Variants in TCHP observed in about 807,000 individuals in gnomAD.
The protein encoded by TCHP is trichoplein keratin filament binding, also known as trichoplein keratin filament-binding protein.
TCHP carries 81 observed loss-of-function variants against 88.7 expected under a neutral mutation model. The ratio of observed to expected loss-of-function variants is 0.91; its 90% CI spans 0.76 to 1.10. The LOEUF (loss-of-function observed/expected upper bound fraction) is 1.10, where lower values mean the gene tolerates loss of function less well. Ranked by LOEUF, TCHP falls within the 50% of genes least tolerant of loss-of-function variation. TCHP has a pLI of 0.00. For synonymous variants in TCHP, 232 were observed against 232.5 expected, an observed-to-expected ratio of 1.00 and a Z score of 0.02; for missense variants, 641 against 632.1, an observed-to-expected ratio of 1.01 and a Z score of -0.15.
chr12:109,887,409 C>CAAAAAA, the TCHP span, among the ~76,000 whole-genome samples: 15 of 80,120 alleles, frequency 1.9e-4, no homozygotes, highest in South Asian at 8.2e-4. Context: ...GGCTCTGTCT[C>CAAAAAA]AAAAAAAAAA....
chr12:109,908,903 TCAGCAGACGCACA>T lies in TCHP; in HGVS notation c.853_865del (p.Arg285SerfsTer40), dbSNP rs771462767. ...TTGAGACATCAGTATAACGCTCAAC[TCAGCAGACGCACA>T]CAGCAGATCCAAGAGGAGCTGGTAA... On this transcript the variant is annotated frameshift_variant, in exon 8 of 13. Coordinates refer to ENST00000405876, the MANE Select transcript of TCHP (RefSeq NM_001143852.2). LOFTEE classifies it high-confidence loss of function. 1.2e-6 allele frequency: 2 copies of T among 1,614,224 alleles called. No individual in the cohort carries two copies. Among genetic ancestry groups the T allele is most frequent in the South Asian group, 1.1e-5 (1 of 91,082 alleles).
chr12:109,890,939 A>G, the TCHP span, among the ~76,000 whole-genome samples: 1 of 152,234 alleles, frequency 6.6e-6, no homozygotes, highest in Admixed American at 6.5e-5. Context: ...TGTTAATGGC[A>G]ATGAATCATG....
the TCHP span, chr12:109,888,129 T>C: frequency 6.6e-6 from 1 of 152,304 alleles, no homozygotes; most frequent in African/African-American, 2.4e-5. Context: ...ATTACTGACA[T>C]TTACCTTGCT....
At chr12:109,882,480 T>C in the TCHP span, among the ~76,000 whole-genome samples, 1 of 148,380 alleles carries the variant, frequency 6.7e-6, no homozygotes, top group African/African-American at 2.5e-5. Flanking sequence ...AGCAAAAGCC[T>C]TAAGGTAACA....
the TCHP span, among the ~76,000 whole-genome samples, chr12:109,884,423 C>T: frequency 1.3e-5 from 2 of 152,110 alleles, no homozygotes; most frequent in Non-Finnish European, 2.9e-5. Flanking sequence ...CTCCTGACCT[C>T]ATGATCCACC....
the TCHP span, among the ~76,000 whole-genome samples, chr12:109,881,845 A>G: frequency 6.6e-6 from 1 of 152,216 alleles, no homozygotes; most frequent in Admixed American, 6.5e-5. Flanking sequence ...AGCTTATGCA[A>G]AAATCTAACA....
intron 8 of TCHP, among the ~76,000 whole-genome samples, chr12:109,909,901 G>T (rs1870388921): frequency 6.6e-6 from 1 of 152,210 alleles, no homozygotes; most frequent in African/African-American, 2.4e-5. Context: ...GTAGGTGGAG[G>T]TTGCAATAAG....
upstream of TCHP, among the ~76,000 whole-genome samples, chr12:109,900,013 A>G (rs940727846): frequency 3.9e-5 from 6 of 152,094 alleles, no homozygotes; most frequent in Admixed American, 2.6e-4. Context: ...CCAGGCTGGT[A>G]TCTGGTGATT....
At position 109,903,761 on chromosome 12, in the gene TCHP, A is replaced by G. The variant is rs566580367; in HGVS notation, c.189-176A>G. On this transcript the variant is annotated intron_variant, in intron 2 of 12. Transcript: ENST00000405876. This position sits in a 1 kb window ranked among gnomAD's most constrained non-coding sequence, Gnocchi z 4.6. ...TTTATACATTTTCTTTTTGCAAAAA[A>G]CAAGATTTTCTCTTACACATACTAT... Among the ~76,000 whole-genome samples the G allele has an allele frequency of 6.6e-6, 1 of 152,278 alleles. No homozygotes were observed. Among genetic ancestry groups the G allele is most frequent in the East Asian group, 1.9e-4 (1 of 5,184 alleles).
chr12:109,906,909 G>T (rs1355684818), intron 5 of TCHP, among the ~76,000 whole-genome samples: 4 of 152,124 alleles, frequency 2.6e-5, no homozygotes, highest in Non-Finnish European at 5.9e-5. Context: ...TTCTTTTGGA[G>T]GCAGGGTCTT....
chr12:109,892,740 C>T, the TCHP span, among the ~76,000 whole-genome samples: 1 of 152,138 alleles, frequency 6.6e-6, no homozygotes, highest in Non-Finnish European at 1.5e-5. Flanking sequence ...AACCCTGATG[C>T]ACTGTAAAGA....
At chr12:109,881,801 C>A in the TCHP span, among the ~76,000 whole-genome samples, 1 of 152,200 alleles carries the variant, frequency 6.6e-6, no homozygotes, top group African/African-American at 2.4e-5. Flanking sequence ...CAGCCACAAC[C>A]CACCTAGATG....
At chr12:109,907,261 T>C (rs1395315314) in intron 5 of TCHP, among the ~76,000 whole-genome samples, 60 of 152,254 alleles carry the variant, frequency 3.9e-4, no homozygotes, top group Non-Finnish European at 1.5e-5. Flanking sequence ...AGCCCTGGCT[T>C]ACTGTAACCC....
the TCHP span, among the ~76,000 whole-genome samples, chr12:109,893,828 A>G: frequency 6.6e-6 from 1 of 152,210 alleles, no homozygotes; most frequent in African/African-American, 2.4e-5. Context: ...GGAAATGGGA[A>G]GCTATTTGGG....
upstream of TCHP, among the ~76,000 whole-genome samples, chr12:109,898,435 C>G (rs999350332): frequency 3.3e-5 from 5 of 152,216 alleles, no homozygotes; most frequent in African/African-American, 1.2e-4. Flanking sequence ...GTCTGAAGCT[C>G]CTGACCTCAA....
At chr12:109,912,007 G>A (rs1400012902) in intron 9 of TCHP, among the ~76,000 whole-genome samples, 2 of 152,068 alleles carry the variant, frequency 1.3e-5, no homozygotes, top group African/African-American at 4.8e-5. Flanking sequence ...TCTTGGCCAG[G>A]CTGGTCTTGA....
At chr12:109,898,786 G>T (rs1014732333), upstream of TCHP, among the ~76,000 whole-genome samples, 11 of 152,028 alleles carry the variant, frequency 7.2e-5, 1 homozygote, top group Admixed American at 5.9e-4. Flanking sequence ...CACCACCACA[G>T]CCTGCTAATT....
intron 10 of TCHP, among the ~76,000 whole-genome samples, chr12:109,913,607 G>A (rs927472387): frequency 1.3e-5 from 2 of 152,192 alleles, no homozygotes; most frequent in Admixed American, 6.5e-5. Flanking sequence ...TGACCTGGAG[G>A]ACATAACTGC....
intron 7 of TCHP, 51 bp downstream of exon 7, chr12:109,908,749 T>A (rs1482470662): frequency 9.0e-6 from 14 of 1,559,414 alleles, no homozygotes; most frequent in Non-Finnish European, 1.2e-5. Flanking sequence ...GGCCTCTTGC[T>A]TTTTCAGACT....
Sources: gnomAD v4.1 joint callset for allele counts (sites outside exome capture counted in the v4.1 genomes callset) on GRCh38, gnomAD v4.1.1 for gene constraint, Gnocchi (gnomAD v3.1) non-coding constraint, MANE v1.5 for transcripts, NCBI Gene and HGNC (gene_info 2026-07-23, HGNC 2026-07-21) for gene names.